Variants in ATP1B3 observed in about 807,000 individuals in gnomAD.
ATP1B3 encodes ATPase Na+/K+ transporting subunit beta 3.
Under a neutral mutation model 30.2 loss-of-function variants are expected in ATP1B3, and 10 were observed. The ratio of observed to expected loss-of-function variants is 0.33; its 90% CI spans 0.20 to 0.56. The LOEUF (loss-of-function observed/expected upper bound fraction) is 0.56, where lower values mean the gene tolerates loss of function less well. Ranked by LOEUF, ATP1B3 falls within the 20% of genes least tolerant of loss-of-function variation. The pLI, the probability that ATP1B3 is intolerant of heterozygous loss-of-function variation, is 0.90. For synonymous variants in ATP1B3, 113 were observed against 117.0 expected, an observed-to-expected ratio of 0.97 and a Z score of 0.22; for missense variants, 238 against 336.7, an observed-to-expected ratio of 0.71 and a Z score of 2.29.
chr3:141,915,641 G>T (rs1178234217), intron 4 of ATP1B3, among the ~76,000 whole-genome samples: 2 of 151,958 alleles, frequency 1.3e-5, no homozygotes, highest in Non-Finnish European at 2.9e-5. Context: ...TAAATTATTT[G>T]TTCATATAAA....
chr3:141,925,824 G>T lies in ATP1B3; in HGVS notation c.*123G>T. ...GAAAGGTGTGTGGTACATGACATTGGGTTACATCATAACGTGCTTCCAGAT... is the reference window on the plus strand; with the variant it reads ...GAAAGGTGTGTGGTACATGACATTGTGTTACATCATAACGTGCTTCCAGAT... On this transcript the variant is annotated 3_prime_UTR_variant, in exon 7 of 7. Transcript: ENST00000286371. The T allele has an allele frequency of 8.2e-7, 1 of 1,215,836 alleles. No homozygotes were observed. The highest frequency in any genetic ancestry group is 1.2e-6 in the Non-Finnish European group (1 of 868,816). The allele number at this position is 1,215,836 out of a possible 1,614,324, so 75.3% of individuals were successfully genotyped here. A position where few individuals can be genotyped will look rare whatever the true frequency, so the allele number is the denominator to read the frequency against.
intron 1 of ATP1B3, among the ~76,000 whole-genome samples, chr3:141,890,748 T>C (rs145481307): frequency 2.0e-5 from 3 of 150,870 alleles, no homozygotes; most frequent in African/African-American, 4.9e-5. Context: ...AATTTTTGTA[T>C]TTTTAGTAGA....
At chr3:141,880,093 T>A (rs1933695111) in intron 1 of ATP1B3, among the ~76,000 whole-genome samples, 1 of 152,148 alleles carries the variant, frequency 6.6e-6, no homozygotes, top group African/African-American at 2.4e-5. Flanking sequence ...TATGTTTGTC[T>A]CATTTTGATC....
chr3:141,903,009 T>C (rs994410443), intron 1 of ATP1B3: 4 of 152,976 alleles, frequency 2.6e-5, no homozygotes, highest in African/African-American at 4.8e-5. Context: ...ACTGTTAGTA[T>C]ATGTGCTGCC....
chr3:141,922,915 G>A (rs62283116), intron 6 of ATP1B3, among the ~76,000 whole-genome samples: 4 of 152,046 alleles, frequency 2.6e-5, no homozygotes, highest in Non-Finnish European at 5.9e-5. Flanking sequence ...ACAGTGAGCC[G>A]AGATTGTGCC....
At chr3:141,915,486 C>T in intron 4 of ATP1B3, among the ~76,000 whole-genome samples, 1 of 152,146 alleles carries the variant, frequency 6.6e-6, no homozygotes, top group Admixed American at 6.5e-5. Context: ...AGGGCTCTCC[C>T]AGTGTGTGCC....
chr3:141,884,424 CT>C (rs1488301084), intron 1 of ATP1B3, among the ~76,000 whole-genome samples: 1 of 152,178 alleles, frequency 6.6e-6, no homozygotes, highest in Non-Finnish European at 1.5e-5. Flanking sequence ...CTAGTTCCTT[CT>C]TGTTTGCTCT....
At position 141,876,733 on chromosome 3, in the gene ATP1B3, C is replaced by A; in HGVS notation, c.-69C>A. On this transcript the variant is annotated 5_prime_UTR_variant, in exon 1 of 7. Transcript: ENST00000286371. ...CCGGGCTGCGCCGCCGGAGCCGGGA[C>A]GCGCCTCCGCAGCCCTCGCCGCCTC... is the stretch of plus-strand genomic sequence containing the variant. 1.6e-6 allele frequency: 2 copies of A among 1,251,084 alleles called. No homozygotes were observed. Among genetic ancestry groups the A allele is most frequent in the Non-Finnish European group, 1.1e-6 (1 of 884,878 alleles). The allele number at this position is 1,251,084 out of a possible 1,614,324, so 77.5% of individuals were successfully genotyped here. A position where few individuals can be genotyped will look rare whatever the true frequency, so the allele number is the denominator to read the frequency against.
intron 1 of ATP1B3, chr3:141,877,397 C>T (rs2107924264): frequency 6.6e-6 from 1 of 152,416 alleles, no homozygotes; most frequent in South Asian, 2.1e-4. Flanking sequence ...ACTCCCGCCG[C>T]TATCTTGTGA....
At chr3:141,913,508 C>G (rs1298626443) in intron 3 of ATP1B3, 144 bp from the exon 4 acceptor site, 8 of 661,794 alleles carry the variant, frequency 1.2e-5, no homozygotes, top group Non-Finnish European at 1.9e-5. Context: ...AAGGGGCAAA[C>G]TTAACATTCT....
intron 1 of ATP1B3, among the ~76,000 whole-genome samples, chr3:141,889,830 CATATAT>C (rs71153925): frequency 3.6e-5 from 5 of 137,468 alleles, no homozygotes; most frequent in Admixed American, 3.0e-4. Context: ...TATACATATA[CATATAT>C]ATATATATAC....
intron 1 of ATP1B3, among the ~76,000 whole-genome samples, chr3:141,889,591 G>A (rs1933896992): frequency 2.0e-5 from 3 of 151,510 alleles, no homozygotes; most frequent in Admixed American, 2.0e-4. Context: ...AGCTGGGCGT[G>A]GTGGCAGGTG....
chr3:141,904,056 A>T (rs1934217352), intron 2 of ATP1B3, among the ~76,000 whole-genome samples: 1 of 152,208 alleles, frequency 6.6e-6, no homozygotes, highest in African/African-American at 2.4e-5. Flanking sequence ...AAGTGCTGGG[A>T]TTACAGGCGT....
chr3:141,910,792 A>ATT (rs1934345234), intron 3 of ATP1B3, among the ~76,000 whole-genome samples: 1 of 110,802 alleles, frequency 9.0e-6, no homozygotes, highest in Admixed American at 9.0e-5. Flanking sequence ...CCTTTTTTTT[A>ATT]ATTATTTTTA....
At chr3:141,903,817 T>G (rs983389992) in intron 2 of ATP1B3, 69 bp downstream of exon 2, 1 of 1,550,896 alleles carries the variant, frequency 6.4e-7, no homozygotes, top group African/African-American at 1.4e-5. Flanking sequence ...GTTTCACTCT[T>G]GTTGCCCAGG....
chr3:141,910,545 T>G lies in ATP1B3; in HGVS notation c.347-3107T>G, dbSNP rs539985770. Among the ~76,000 whole-genome samples the G allele has an allele frequency of 2.6e-4, 40 of 152,276 alleles. No homozygotes were observed. The South Asian group carries it at 8.1e-3, about 31-fold the overall frequency. ...TTGGTTGCCTTTTTATACTTGGTCT[T>G]TATATCTTCTTTTATCATCTATAGA... On this transcript the variant is annotated intron_variant, in intron 3 of 6. Coordinates refer to ENST00000286371, the MANE Select transcript of ATP1B3 (RefSeq NM_001679.4).
chr3:141,904,963 G>A (rs1413045841), intron 2 of ATP1B3, among the ~76,000 whole-genome samples: 1 of 151,926 alleles, frequency 6.6e-6, no homozygotes, highest in African/African-American at 2.4e-5. Context: ...CACCCGCCTC[G>A]GCCTCCCAAA....
At position 141,903,749 on chromosome 3, in the gene ATP1B3, G is replaced by A; in HGVS notation, c.238+1G>A. 6.2e-7 allele frequency: 1 copy of A among 1,612,714 alleles called. No homozygotes were observed. The highest frequency in any genetic ancestry group is 8.5e-7 in the Non-Finnish European group (1 of 1,179,382). ...TACCGTGACCAGATTCCTAGCCCAG[G>A]TAATTATCTTGCAGTTATGACTTTG... On this transcript the variant is annotated splice_donor_variant, in intron 2 of 6. Transcript: ENST00000286371. LOFTEE classifies it high-confidence loss of function.
chr3:141,884,487 T>C (rs950372903), intron 1 of ATP1B3, among the ~76,000 whole-genome samples: 5 of 152,268 alleles, frequency 3.3e-5, no homozygotes, highest in African/African-American at 4.8e-5. Context: ...GTCAACTTGA[T>C]TGGGTTGAAG....
Sources: gnomAD v4.1 joint callset for allele counts (sites outside exome capture counted in the v4.1 genomes callset) on GRCh38, gnomAD v4.1.1 for gene constraint, MANE v1.5 for transcripts, NCBI Gene and HGNC (gene_info 2026-07-23, HGNC 2026-07-21) for gene names.